The following CATSPER3 variants were observed in gnomAD, a reference collection of about 807,000 sequenced individuals.
CATSPER3 encodes the protein cation channel sperm associated 3.
Under a neutral mutation model 36.6 loss-of-function variants are expected in CATSPER3, and 23 were observed. That is an observed-to-expected ratio of 0.63 (90% confidence interval 0.45 to 0.89). CATSPER3 has a LOEUF of 0.89. CATSPER3 is among the 40% of genes least tolerant of loss of function. CATSPER3 has a pLI of 0.00. For missense variants in CATSPER3, 474 were observed against 503.9 expected, an observed-to-expected ratio of 0.94 and a Z score of 0.57; for synonymous variants, 172 against 184.1, an observed-to-expected ratio of 0.93 and a Z score of 0.53.
At chr5:134,970,318 C>A (rs1447773310) in intron 2 of CATSPER3, among the ~76,000 whole-genome samples, 1 of 152,068 alleles carries the variant, frequency 6.6e-6, no homozygotes. Flanking sequence ...CCCGCCACCA[C>A]GCCCAGCTAA....
At chr5:134,997,192 C>T (rs1580911429) in intron 3 of CATSPER3, among the ~76,000 whole-genome samples, 2 of 152,334 alleles carry the variant, frequency 1.3e-5, no homozygotes, top group African/African-American at 2.4e-5. Flanking sequence ...CGTGTTCAGT[C>T]GGGGTGTGTC....
At chr5:134,973,991 A>G (rs1441758009) in intron 2 of CATSPER3, among the ~76,000 whole-genome samples, 1 of 152,218 alleles carries the variant, frequency 6.6e-6, no homozygotes, top group African/African-American at 2.4e-5. Flanking sequence ...ACATCTTTTT[A>G]TAGATGTGTC....
intron 7 of CATSPER3, among the ~76,000 whole-genome samples, chr5:135,010,732 A>G (rs549540606): frequency 9.5e-4 from 144 of 152,204 alleles, no homozygotes; most frequent in Non-Finnish European, 1.8e-3. Context: ...GCTGGGGGGA[A>G]TCTGCCCCTC....
Position 135,009,385 on chromosome 5 carries a change from G to C in CATSPER3, c.831G>C (p.Lys277Asn), listed in dbSNP as rs775674797. The change falls in exon 6 of 8, where the codon AAG (lysine) becomes AAC (asparagine). Residue 277 changes from lysine (K) to asparagine (N), a missense_variant. Transcript: ENST00000282611. ...TGACTCTCTAGGACTCCATCAGAAAGTTTGAGCGAGAGCTGATGTTGGAGC... is the reference window on the plus strand; with the variant it reads ...TGACTCTCTAGGACTCCATCAGAAACTTTGAGCGAGAGCTGATGTTGGAGC... Reference protein sequence around the residue: ...MIMHTEDSIRKFERELMLEQQ... With the variant: ...MIMHTEDSIRNFERELMLEQQ... 2 of 1,613,606 alleles carry C rather than the reference G, an allele frequency of 1.2e-6. No homozygotes were observed. Among genetic ancestry groups the C allele is most frequent in the South Asian group, 1.1e-5 (1 of 91,084 alleles).
chr5:134,968,130 T>A, intron 1 of CATSPER3, 41 bp downstream of exon 1: 1 of 1,397,798 alleles, frequency 7.2e-7, no homozygotes, highest in Non-Finnish European at 1.0e-6. Context: ...AGAAATGTGC[T>A]AGTAGAAGTG....
intron 3 of CATSPER3, among the ~76,000 whole-genome samples, chr5:134,998,568 C>T (rs143680497): frequency 0.024 from 3,603 of 152,334 alleles, 62 homozygotes; most frequent in Non-Finnish European, 0.039. Flanking sequence ...TCTCCACATC[C>T]TCTCCAGCAC....
chr5:134,994,085 A>G (rs1751915399), intron 2 of CATSPER3, among the ~76,000 whole-genome samples: 2 of 152,330 alleles, frequency 1.3e-5, no homozygotes, highest in African/African-American at 4.8e-5. Flanking sequence ...AGATTGTGCC[A>G]CTGCACTCCA....
intron 3 of CATSPER3, among the ~76,000 whole-genome samples, chr5:134,999,233 G>A (rs1200365303): frequency 6.6e-6 from 1 of 152,072 alleles, no homozygotes; most frequent in African/African-American, 2.4e-5. Flanking sequence ...TAGTTGTGTG[G>A]TATTATTTCT....
At chr5:134,988,103 G>T (rs918199584) in intron 2 of CATSPER3, among the ~76,000 whole-genome samples, 10 of 152,140 alleles carry the variant, frequency 6.6e-5, no homozygotes, top group African/African-American at 1.7e-4. Flanking sequence ...AAAAGTTAAG[G>T]TTACATTATA....
intron 2 of CATSPER3, among the ~76,000 whole-genome samples, chr5:134,994,952 T>C (rs1489236653): frequency 1.3e-5 from 2 of 150,970 alleles, no homozygotes; most frequent in Non-Finnish European, 3.0e-5. Flanking sequence ...CCTTCCTTTC[T>C]TTCTTCCTTC....
In CATSPER3 at chr5:135,008,981, G is replaced by T; in HGVS notation, c.816G>T (p.Glu272Asp). 1 of 1,614,076 alleles carries T rather than the reference G, an allele frequency of 6.2e-7. No homozygotes were observed. Among genetic ancestry groups the T allele is most frequent in the Non-Finnish European group, 8.5e-7 (1 of 1,180,006 alleles). ...TGGGTGTGATGATCATGCACACAGAGGTGAGGCCACACCTGTGAGGATCGG... is the reference window on the plus strand; with the variant it reads ...TGGGTGTGATGATCATGCACACAGATGTGAGGCCACACCTGTGAGGATCGG... ...MFVGVMIMHTEDSIRKFEREL... is the reference protein window; with the variant it reads ...MFVGVMIMHTDDSIRKFEREL... The change falls in exon 5 of 8, where the codon GAG becomes GAT. Residue 272 changes from glutamate to aspartate, a missense_variant and splice_region_variant. Coordinates refer to ENST00000282611, the MANE Select transcript of CATSPER3 (RefSeq NM_178019.3).
chr5:134,972,264 C>T (rs969210459), intron 2 of CATSPER3, among the ~76,000 whole-genome samples: 6 of 152,022 alleles, frequency 3.9e-5, no homozygotes, highest in African/African-American at 1.4e-4. Context: ...GCAAATATTC[C>T]GAAATCCAAA....
chr5:135,007,800 A>G (rs980407514), intron 3 of CATSPER3, among the ~76,000 whole-genome samples, 157 bp from the exon 4 acceptor site: 7 of 149,296 alleles, frequency 4.7e-5, no homozygotes, highest in Non-Finnish European at 7.4e-5. Flanking sequence ...CAACCAACCA[A>G]CCAACCCACC....
chr5:134,985,821 C>A (rs370589527), intron 2 of CATSPER3, among the ~76,000 whole-genome samples: 9 of 151,614 alleles, frequency 5.9e-5, no homozygotes, highest in African/African-American at 2.2e-4. Context: ...ATCACTTGAG[C>A]CCAGGAAGTC....
chr5:135,010,387 C>T lies in CATSPER3; in HGVS notation c.951C>T (p.Cys317=), dbSNP rs777401154. 19 of 1,613,924 alleles carry T rather than the reference C, an allele frequency of 1.2e-5. No homozygotes were observed. The East Asian group carries it at 2.2e-4, about 19-fold the overall frequency. ...TTCCTCTCTAGAAAAATGCTGACTG[C>T]ACAAGTTTCAGTGAGCTGGTGGAGA... is the stretch of plus-strand genomic sequence containing the variant. The part of the protein sequence containing the change: ...RLMHIQKNAD[C]TSFSELVENF... The change falls in exon 7 of 8, where the codon TGC becomes TGT. Residue 317 remains cysteine (C), a synonymous_variant. Transcript: ENST00000282611.
intron 2 of CATSPER3, among the ~76,000 whole-genome samples, chr5:134,979,956 C>T (rs1465192478): frequency 7.8e-6 from 1 of 127,728 alleles, no homozygotes; most frequent in East Asian, 2.7e-4. Context: ...CCCACCCTTC[C>T]CTCCCTCCTT....
At chr5:135,000,606 T>C (rs1207156967) in intron 3 of CATSPER3, among the ~76,000 whole-genome samples, 2 of 152,212 alleles carry the variant, frequency 1.3e-5, no homozygotes, top group African/African-American at 4.8e-5. Context: ...GAGCCTGTTA[T>C]TGGTCTATTC....
At chr5:135,001,247 G>A (rs540687868) in intron 3 of CATSPER3, among the ~76,000 whole-genome samples, 3 of 152,234 alleles carry the variant, frequency 2.0e-5, no homozygotes, top group Admixed American at 6.5e-5. Flanking sequence ...GTAGTTGAGC[G>A]GTTTTGAGTG....
chr5:134,974,275 TA>T (rs1413316386), intron 2 of CATSPER3, among the ~76,000 whole-genome samples: 1 of 152,038 alleles, frequency 6.6e-6, no homozygotes, highest in Non-Finnish European at 1.5e-5. Flanking sequence ...AGATAAATTG[TA>T]AGGAAAGAAA....
Sources: gnomAD v4.1 joint callset for allele counts (sites outside exome capture counted in the v4.1 genomes callset) on GRCh38, gnomAD v4.1.1 for gene constraint, MANE v1.5 for transcripts, NCBI Gene and HGNC (gene_info 2026-07-23, HGNC 2026-07-21) for gene names.